PDE8A: variants seen among roughly 807,000 people sequenced by gnomAD.
The protein encoded by PDE8A is phosphodiesterase 8A.
In PDE8A, 59 loss-of-function variants were observed where a neutral mutation model predicts 105.0. The observed-to-expected ratio is 0.56, with a 90% confidence interval of 0.46 to 0.70. The LOEUF (loss-of-function observed/expected upper bound fraction) is 0.70, where lower values mean the gene tolerates loss of function less well. PDE8A is among the 30% of genes least tolerant of loss of function. The probability of loss-of-function intolerance (pLI) is 0.00; values close to 1 mark genes in which losing one functional copy is unlikely to be tolerated. For missense variants in PDE8A, 1,014 were observed against 1,045.9 expected, an observed-to-expected ratio of 0.97 and a Z score of 0.42; for synonymous variants, 355 against 371.9, an observed-to-expected ratio of 0.95 and a Z score of 0.52.
chr15:85,116,392 C>A, intron 16 of PDE8A: 1 of 420,892 alleles, frequency 2.4e-6, no homozygotes, highest in Non-Finnish European at 4.3e-6. Flanking sequence ...AAAGGTATTT[C>A]TCCTGTAGGT....
intron 3 of PDE8A, among the ~76,000 whole-genome samples, 164 bp downstream of exon 3, chr15:85,067,368 CTT>C (rs1567262424): frequency 1.3e-5 from 2 of 152,146 alleles, no homozygotes; most frequent in African/African-American, 4.8e-5. Context: ...ATGCATATCT[CTT>C]TTGTTTTGTC....
intron 20 of PDE8A, among the ~76,000 whole-genome samples, chr15:85,130,345 T>G (rs1337379989): frequency 6.6e-6 from 1 of 152,228 alleles, no homozygotes; most frequent in African/African-American, 2.4e-5. Context: ...TATCAAAGCA[T>G]ATGCTATTTA....
chr15:85,040,584 G>A (rs1330791604), intron 1 of PDE8A, among the ~76,000 whole-genome samples: 2 of 132,222 alleles, frequency 1.5e-5, no homozygotes, highest in African/African-American at 2.8e-5. Context: ...TTTTTGAGAC[G>A]GAGTCTGGGT....
rs965632105 is a variant in PDE8A at position 85,129,667 on chromosome 15, T to C, written c.2253+3293T>C. Among the ~76,000 whole-genome samples the C allele has an allele frequency of 3.6e-4, 21 of 57,800 alleles. No individual in the cohort carries two copies. In the African/African-American group the frequency reaches 4.6e-3, roughly 13 times the overall value. 37.9% of individuals were successfully genotyped at this position (57,800 alleles called of 152,430 possible). On this transcript the variant is annotated intron_variant, in intron 20 of 21. Transcript: ENST00000394553. The stretch of plus-strand genomic sequence containing the variant: ...TTGATCTTTTCAAAAAATTATCTTT[T>C]GGTTTTGTTTTTTTCTGTTCTCTAT...
intron 1 of PDE8A, among the ~76,000 whole-genome samples, chr15:84,998,199 T>G (rs1742319823): frequency 6.6e-6 from 1 of 152,214 alleles, no homozygotes; most frequent in Admixed American, 6.5e-5. Context: ...ATCGAAACCC[T>G]AAGGCAGTTG....
intron 1 of PDE8A, among the ~76,000 whole-genome samples, chr15:85,033,713 A>C (rs2080654844): frequency 6.6e-6 from 1 of 151,992 alleles, no homozygotes; most frequent in African/African-American, 2.4e-5. Context: ...AAAAATACAA[A>C]AATTAGCTGG....
At chr15:85,086,659 T>A (rs760305271) in intron 6 of PDE8A, among the ~76,000 whole-genome samples, 1 of 152,240 alleles carries the variant, frequency 6.6e-6, no homozygotes, top group Non-Finnish European at 1.5e-5. Context: ...AAAAGTATGA[T>A]AAAACCCAGT....
chr15:85,063,098 T>G, intron 1 of PDE8A: 1 of 152,188 alleles, frequency 6.6e-6, no homozygotes, highest in East Asian at 1.9e-4. Flanking sequence ...GGACCCTCAT[T>G]CTTTTTATGC....
intron 3 of PDE8A, among the ~76,000 whole-genome samples, chr15:85,069,189 G>A (rs1596487375): frequency 6.6e-6 from 1 of 152,212 alleles, no homozygotes; most frequent in Admixed American, 6.5e-5. Flanking sequence ...GAGTTCTTTC[G>A]TCATGTAAAT....
chr15:84,983,036 CTG>C (rs754313253), intron 1 of PDE8A, among the ~76,000 whole-genome samples: 15 of 152,176 alleles, frequency 9.9e-5, no homozygotes, highest in Admixed American at 7.9e-4. Flanking sequence ...CATTTTGTGA[CTG>C]GGGTTTTTTG....
chr15:85,097,910 C>T (rs979814516), intron 8 of PDE8A, 38 bp from the exon 9 acceptor site: 1 of 1,142,650 alleles, frequency 8.8e-7, no homozygotes. Flanking sequence ...TTTATGTTTT[C>T]AACACAAAGT....
At chr15:85,132,959 C>T (rs910608801) in intron 20 of PDE8A, among the ~76,000 whole-genome samples, 2 of 151,992 alleles carry the variant, frequency 1.3e-5, no homozygotes, top group Non-Finnish European at 2.9e-5. Context: ...TTTGAGTGTA[C>T]CATATTTTCT....
rs766302139 is a variant in PDE8A at position 85,109,099 on chromosome 15, C to T, written c.1083C>T (p.Asp361=). The change falls in exon 12 of 22, where the codon GAC becomes GAT. Residue 361 remains aspartate, a synonymous_variant. Transcript: ENST00000394553. ...KHKDRRKGSL[D]VKAVASRATE... ...AAGACAGGAGAAAAGGCTCACTAGA[C>T]GTCAAAGCTGTTGCCTCCCGTGCAA... 3.5e-5 allele frequency: 57 copies of T among 1,611,472 alleles called. No homozygotes were observed. The highest frequency in any genetic ancestry group is 1.7e-4 in the Middle Eastern group (1 of 6,054).
chr15:85,086,527 T>C (rs2081555479), intron 6 of PDE8A, among the ~76,000 whole-genome samples: 1 of 152,174 alleles, frequency 6.6e-6, no homozygotes, highest in Non-Finnish European at 1.5e-5. Flanking sequence ...TTAAAAGACA[T>C]GTTCAAGTGG....
At chr15:85,089,520 T>A in intron 7 of PDE8A, 104 bp downstream of exon 7, 1 of 586,818 alleles carries the variant, frequency 1.7e-6, no homozygotes, top group South Asian at 2.5e-5. Context: ...TTTTTGAAGT[T>A]TAGGAGACCA....
chr15:85,087,640 G>A (rs144852612), intron 6 of PDE8A, among the ~76,000 whole-genome samples: 3 of 152,096 alleles, frequency 2.0e-5, no homozygotes. Context: ...AAACCTGGAA[G>A]CAACCTAAAT....
intron 5 of PDE8A, among the ~76,000 whole-genome samples, chr15:85,082,290 C>T (rs754650558): frequency 2.6e-5 from 4 of 152,114 alleles, no homozygotes; most frequent in Non-Finnish European, 2.9e-5. Flanking sequence ...TATCATGCTC[C>T]TGGTCAACAG....
At chr15:84,990,098 TC>T (rs2079862756) in intron 1 of PDE8A, among the ~76,000 whole-genome samples, 1 of 152,106 alleles carries the variant, frequency 6.6e-6, no homozygotes. Flanking sequence ...ACACCTGTAG[TC>T]CCATCTACTC....
intron 7 of PDE8A, among the ~76,000 whole-genome samples, chr15:85,090,333 G>A (rs545232582): frequency 7.2e-5 from 11 of 152,330 alleles, no homozygotes; most frequent in Admixed American, 3.3e-4. Context: ...ATTAATGTAT[G>A]TGAAGTGTTT....
Sources: allele counts gnomAD v4.1 joint callset (sites outside exome capture counted in the v4.1 genomes callset), GRCh38; gene constraint gnomAD v4.1.1; transcripts MANE v1.5; gene names NCBI Gene and HGNC (gene_info 2026-07-23, HGNC 2026-07-21).